Variants in ULK4 observed in about 807,000 individuals in gnomAD.
ULK4 encodes unc-51 like kinase 4.
Under a neutral mutation model 160.6 loss-of-function variants are expected in ULK4, and 133 were observed. The ratio of observed to expected loss-of-function variants is 0.83; its 90% CI spans 0.72 to 0.96. The LOEUF (loss-of-function observed/expected upper bound fraction) is 0.96. Ranked by LOEUF, ULK4 falls within the 40% of genes least tolerant of loss-of-function variation. ULK4 has a pLI of 0.00. For synonymous variants in ULK4, 534 were observed against 539.8 expected (o/e 0.99, Z 0.15); for missense variants, 1,580 against 1,499.5 (o/e 1.05, Z -0.89).
chr3:41,614,658 T>C (rs1175260250), intron 31 of ULK4, among the ~76,000 whole-genome samples: 1 of 152,128 alleles, frequency 6.6e-6, no homozygotes, highest in Non-Finnish European at 1.5e-5. Context: ...TAGTACCCAT[T>C]CCCATCTCTA....
chr3:41,505,644 A>G (rs968248212), intron 32 of ULK4, among the ~76,000 whole-genome samples: 3 of 152,158 alleles, frequency 2.0e-5, no homozygotes, highest in African/African-American at 7.2e-5. Context: ...TCTTATAGCA[A>G]TTGATTTTTT....
Position 41,843,429 on chromosome 3 carries a change from G to C in ULK4, c.1657-7458C>G, listed in dbSNP as rs560581293. Among the ~76,000 whole-genome samples, 9 of 152,314 alleles carry C rather than the reference G, an allele frequency of 5.9e-5. No individual in the cohort carries two copies. The East Asian group carries it at 1.2e-3, about 20-fold the overall frequency. ...CGCGGTGAGTGTTACAGTTCTTAAA[G>C]GCGGTGTGTCGGGAGTTTGTTCCTT... On this transcript the variant is annotated intron_variant, in intron 17 of 36. Coordinates refer to ENST00000301831, the MANE Select transcript of ULK4 (RefSeq NM_017886.4).
intron 17 of ULK4, among the ~76,000 whole-genome samples, chr3:41,841,814 G>A (rs2041935802): frequency 6.6e-6 from 1 of 152,196 alleles, no homozygotes; most frequent in Non-Finnish European, 1.5e-5. Context: ...TCTGCCTTGG[G>A]ATGCTGTTAA....
rs547031864 is a variant in ULK4, at chr3:41,504,553, C to A, written c.3227-41300G>T. Among the ~76,000 whole-genome samples the A allele has an allele frequency of 5.3e-5, 8 of 152,168 alleles. No individual in the cohort carries two copies. In the South Asian group the frequency reaches 1.7e-3, roughly 32 times the overall value. ...CTGATTACCTACTGATTAAATGTGA[C>A]AAGCTACAAAGGGAGAAAAATCATT... On this transcript the variant is annotated intron_variant, in intron 32 of 36. Coordinates refer to ENST00000301831, the MANE Select transcript of ULK4 (RefSeq NM_017886.4).
intron 29 of ULK4, among the ~76,000 whole-genome samples, chr3:41,663,928 C>T (rs1372104101): frequency 6.6e-6 from 1 of 152,098 alleles, no homozygotes; most frequent in African/African-American, 2.4e-5. Flanking sequence ...AAAGGAAAAA[C>T]AACTCAGTAG....
At chr3:41,681,249 A>G (rs189496623) in intron 29 of ULK4, among the ~76,000 whole-genome samples, 338 of 152,300 alleles carry the variant, frequency 2.2e-3, no homozygotes, top group Admixed American at 0.015. Flanking sequence ...TTAAATCTGC[A>G]TAACTTCAAA....
At chr3:41,867,165 T>C (rs1287653440) in intron 17 of ULK4, among the ~76,000 whole-genome samples, 3 of 152,234 alleles carry the variant, frequency 2.0e-5, no homozygotes, top group African/African-American at 7.2e-5. Flanking sequence ...ATTTCCTTTA[T>C]TTGAATTGCA....
chr3:41,289,806 CTTAT>C (rs1250947953), intron 35 of ULK4, among the ~76,000 whole-genome samples: 3 of 136,848 alleles, frequency 2.2e-5, no homozygotes, highest in Admixed American at 7.8e-5. Flanking sequence ...ATTAGGTCAA[CTTAT>C]GTATGTATGT....
intron 25 of ULK4, among the ~76,000 whole-genome samples, chr3:41,706,760 G>A (rs938524881): frequency 2.0e-5 from 3 of 150,656 alleles, no homozygotes; most frequent in African/African-American, 4.9e-5. Flanking sequence ...CCCAGGAAGC[G>A]GAGGTTGTAG....
In ULK4 at chr3:41,273,698, G is replaced by C. The variant is rs549534512; in HGVS notation, c.3679-24124C>G. ...GCTAGAGTGGGGGTGTGGGGAGGTG[G>C]GGCCTAGTGGGAGGTGTTTGGGTAA... On this transcript the variant is annotated intron_variant, in intron 35 of 36. Coordinates refer to ENST00000301831, the MANE Select transcript of ULK4 (RefSeq NM_017886.4). Among the ~76,000 whole-genome samples, 68 of 152,224 alleles carry C rather than the reference G, an allele frequency of 4.5e-4. 1 individual carries two copies. The highest frequency in any genetic ancestry group is 1.5e-3 in the African/African-American group (61 of 41,528).
At chr3:41,734,806 T>C (rs1314379459) in intron 22 of ULK4, among the ~76,000 whole-genome samples, 1 of 152,194 alleles carries the variant, frequency 6.6e-6, no homozygotes, top group Admixed American at 6.5e-5. Flanking sequence ...AATTGTACCA[T>C]TCACAGTCAG....
At chr3:41,703,834 G>GCACACACACACACACA (rs35693704) in intron 27 of ULK4, among the ~76,000 whole-genome samples, 2 of 129,260 alleles carry the variant, frequency 1.5e-5, no homozygotes, top group African/African-American at 7.4e-5. Context: ...TAATGCGCAT[G>GCACACACACACACACA]CACACACACA....
chr3:41,274,365 G>C (rs1039612687), intron 35 of ULK4, among the ~76,000 whole-genome samples: 11 of 152,062 alleles, frequency 7.2e-5, no homozygotes, highest in Admixed American at 2.0e-4. Flanking sequence ...ATATTTTAAG[G>C]CTCCACAGTA....
chr3:41,552,479 A>G (rs1184599702), intron 32 of ULK4, among the ~76,000 whole-genome samples: 1 of 151,962 alleles, frequency 6.6e-6, no homozygotes, highest in Non-Finnish European at 1.5e-5. Context: ...AGCTGAGGAA[A>G]AAAATCAAGA....
At chr3:41,700,216 TC>T (rs1456857276) in intron 27 of ULK4, among the ~76,000 whole-genome samples, 1 of 152,174 alleles carries the variant, frequency 6.6e-6, no homozygotes, top group African/African-American at 2.4e-5. Flanking sequence ...CAGACTAGTT[TC>T]TGATGAAAAC....
intron 35 of ULK4, among the ~76,000 whole-genome samples, chr3:41,272,170 G>A (rs1450732422): frequency 6.6e-6 from 1 of 152,062 alleles, no homozygotes; most frequent in African/African-American, 2.4e-5. Context: ...ACCTGCCTCA[G>A]CCTCCCAAAG....
rs1699621938 is a variant in ULK4 at position 41,932,048 on chromosome 3, T to C, written c.379-42A>G. 3.2e-6 allele frequency: 5 copies of C among 1,583,886 alleles called. No homozygotes were observed. In the Admixed American group the frequency reaches 5.2e-5, roughly 16 times the overall value. On this transcript the variant is annotated intron_variant, in intron 4 of 36. Coordinates refer to ENST00000301831, the MANE Select transcript of ULK4 (RefSeq NM_017886.4). ...AATGTTTTCAGAAAAAAAATCAACT[T>C]AATTTGTACATATATCAGTACCTCT...
intron 32 of ULK4, among the ~76,000 whole-genome samples, chr3:41,499,884 A>T (rs900990675): frequency 1.4e-4 from 22 of 152,334 alleles, no homozygotes; most frequent in Middle Eastern, 6.8e-3. Flanking sequence ...TTATAAAACA[A>T]TTCAGACTTT....
chr3:41,335,081 T>C (rs1416620279), intron 35 of ULK4, among the ~76,000 whole-genome samples: 1 of 152,254 alleles, frequency 6.6e-6, no homozygotes, highest in Non-Finnish European at 1.5e-5. Flanking sequence ...TTGACCATTC[T>C]ACACTGATTT....
Sources: gnomAD v4.1 joint callset for allele counts (sites outside exome capture counted in the v4.1 genomes callset) on GRCh38, gnomAD v4.1.1 for gene constraint, MANE v1.5 for transcripts, NCBI Gene and HGNC (gene_info 2026-07-23, HGNC 2026-07-21) for gene names.